Variants in CCL4L2 observed in about 807,000 individuals in gnomAD.
CCL4L2 encodes C-C motif chemokine ligand 4 like 2.
A neutral mutation model predicts 5.9 loss-of-function variants in CCL4L2; 3 were observed. The observed-to-expected ratio is 0.51, with a 90% CI of 0.23 to 1.32. CCL4L2 has a LOEUF of 1.32. CCL4L2 is among the 40% of genes most tolerant of loss of function. CCL4L2 has a pLI of 0.18. For missense variants in CCL4L2, 74 were observed against 121.2 expected (o/e 0.61, Z 1.83); for synonymous variants, 36 against 47.6 (o/e 0.76, Z 1.00).
chr17:36,212,017 A>G (rs1391019595), intron 2 of CCL4L2, 127 bp downstream of exon 2: 1 of 1,134,200 alleles, frequency 8.8e-7, no homozygotes, highest in African/African-American at 1.4e-5. Context: ...CTTCCCTGAC[A>G]GCAGTGAGGT....
At chr17:36,211,530 T>G (rs2068775744) in intron 1 of CCL4L2, 1 of 680,928 alleles carries the variant, frequency 1.5e-6, no homozygotes, top group African/African-American at 1.7e-5. Flanking sequence ...ATCTGTCATA[T>G]GAAGGGAGTG....
At position 36,212,670 on chromosome 17, in the gene CCL4L2, C is replaced by A; in HGVS notation, c.*247C>A. The A allele has an allele frequency of 7.7e-7, 1 of 1,298,334 alleles. No homozygotes were observed. The highest frequency in any genetic ancestry group is 1.2e-5 in the South Asian group (1 of 83,208). 80.4% of individuals were successfully genotyped at this position (1,298,334 alleles called of 1,614,324 possible). A position where few individuals can be genotyped will look rare whatever the true frequency, so the allele number is the denominator to read the frequency against. On this transcript the variant is annotated 3_prime_UTR_variant, in exon 3 of 3. Transcript: ENST00000617405. Reference sequence around the variant, plus strand: ...TACTCAGGACTCCTCTCCGCAGTTCCTGTCTCTTCTCTTAATGTAATCTCT... The same window carrying A: ...TACTCAGGACTCCTCTCCGCAGTTCATGTCTCTTCTCTTAATGTAATCTCT...
rs2068791307 is a variant in CCL4L2, at chr17:36,212,056, C to T, written c.191+166C>T. ...AGGTCATGAACTCACTTTTCAAGTG[C>T]TGAAGGCGGCTGAGTGGCAGCCGAG... On this transcript the variant is annotated intron_variant, in intron 2 of 2. Transcript: ENST00000617405. 15 of 900,906 alleles carry T rather than the reference C, an allele frequency of 1.7e-5. 1 individual carries two copies. Among genetic ancestry groups the T allele is most frequent in the Middle Eastern group, 4.8e-4 (2 of 4,206 alleles). The allele number at this position is 900,906 out of a possible 1,614,324, so 55.8% of individuals were successfully genotyped here.
At position 36,212,619 on chromosome 17, in the gene CCL4L2, C is replaced by T. The variant is rs1800518560; in HGVS notation, c.*196C>T. 6.4e-7 allele frequency: 1 copy of T among 1,562,700 alleles called. No homozygotes were observed. The highest frequency in any genetic ancestry group is 1.1e-5 in the South Asian group (1 of 88,782). Reference sequence around the variant, plus strand: ...AGGGAAGGTCACCTGAGCCTGGATGCTTCTCCATGAGCCGCATCTCCTCCA... The same window carrying T: ...AGGGAAGGTCACCTGAGCCTGGATGTTTCTCCATGAGCCGCATCTCCTCCA... On this transcript the variant is annotated 3_prime_UTR_variant, in exon 3 of 3. Transcript: ENST00000617405.
intron 1 of CCL4L2, 93 bp from the exon 2 acceptor site, chr17:36,211,683 T>C: frequency 7.1e-7 from 1 of 1,405,892 alleles, no homozygotes. Flanking sequence ...TTCTGGTAGC[T>C]CCACAGGGAT....
At chr17:36,212,189 C>T (rs537640020) in intron 2 of CCL4L2, 84 of 703,254 alleles carry the variant, frequency 1.2e-4, no homozygotes, top group African/African-American at 1.1e-3. Context: ...GCTAGAAAAA[C>T]ATGTGGAAAA....
In CCL4L2 at chr17:36,212,732, A is replaced by C; in HGVS notation, c.*309A>C. The C allele has an allele frequency of 3.2e-6, 3 of 924,860 alleles. No homozygotes were observed. The allele number at this position is 924,860 out of a possible 1,614,324, so 57.3% of individuals were successfully genotyped here. Reference sequence around the variant, plus strand: ...TATTATTGTATTAGGTGTTATTTCCATTATTTATATTAGTTTAGCCAAAGG... The same window carrying C: ...TATTATTGTATTAGGTGTTATTTCCCTTATTTATATTAGTTTAGCCAAAGG... On this transcript the variant is annotated 3_prime_UTR_variant, in exon 3 of 3. Transcript: ENST00000617405.
In CCL4L2 at chr17:36,212,535, T is replaced by G. The variant is rs2068807685; in HGVS notation, c.*112T>G. The G allele has an allele frequency of 6.3e-7, 1 of 1,581,210 alleles. No homozygotes were observed. The highest frequency in any genetic ancestry group is 8.6e-7 in the Non-Finnish European group (1 of 1,156,496). On this transcript the variant is annotated 3_prime_UTR_variant, in exon 3 of 3. Coordinates refer to ENST00000617405, the MANE Select transcript of CCL4L2 (RefSeq NM_001291475.2). Reference sequence around the variant, plus strand: ...TGCGCTGACCCCAGTGAGTCCTGGGTCCAGGAGTACGTGTATGACCTGGAA... The same window carrying G: ...TGCGCTGACCCCAGTGAGTCCTGGGGCCAGGAGTACGTGTATGACCTGGAA...
At chr17:36,211,694 G>A (rs2068779607) in intron 1 of CCL4L2, 82 bp from the exon 2 acceptor site, 2 of 1,455,538 alleles carry the variant, frequency 1.4e-6, no homozygotes, top group African/African-American at 1.3e-5. Context: ...CCACAGGGAT[G>A]CTCAATGAAG....
chr17:36,211,517 C>A (rs2068775311), intron 1 of CCL4L2: 1 of 682,196 alleles, frequency 1.5e-6, no homozygotes, highest in East Asian at 2.7e-5. Context: ...CCTTGGTTTC[C>A]CCATCTGTCA....
intron 2 of CCL4L2, chr17:36,212,231 T>A: frequency 1.4e-6 from 1 of 717,584 alleles, no homozygotes; most frequent in South Asian, 1.5e-5. Flanking sequence ...AATGGGGCAA[T>A]CTATTCATAC....
chr17:36,212,770 T>C lies in CCL4L2; in HGVS notation c.*347T>C, dbSNP rs2068815474. On this transcript the variant is annotated 3_prime_UTR_variant, in exon 3 of 3. Coordinates refer to ENST00000617405, the MANE Select transcript of CCL4L2 (RefSeq NM_001291475.2). ...GTTTAGCCAAAGGATAAGTGTCCCC[T>C]ATGGGGATGGTCCACTCTCACTCTT... 4 of 710,332 alleles carry C rather than the reference T, an allele frequency of 5.6e-6. 1 individual carries two copies. The highest frequency in any genetic ancestry group is 9.6e-6 in the Non-Finnish European group (4 of 415,492). The allele number at this position is 710,332 out of a possible 1,614,324, so 44.0% of individuals were successfully genotyped here.
chr17:36,212,093 T>G lies in CCL4L2; in HGVS notation c.191+203T>G. The G allele has an allele frequency of 1.2e-5, 9 of 751,524 alleles. 3 individuals carry two copies. Among genetic ancestry groups the G allele is most frequent in the South Asian group, 1.1e-4 (7 of 66,044 alleles). The allele number at this position is 751,524 out of a possible 1,614,324, so 46.6% of individuals were successfully genotyped here. On this transcript the variant is annotated intron_variant, in intron 2 of 2. Coordinates refer to ENST00000617405, the MANE Select transcript of CCL4L2 (RefSeq NM_001291475.2). Reference sequence around the variant, plus strand: ...GAGTGGCAGCCGAGACAGAAGGGGGTTCCTGGGGAGGAAGTTATTCAGAGG... The same window carrying G: ...GAGTGGCAGCCGAGACAGAAGGGGGGTCCTGGGGAGGAAGTTATTCAGAGG...
Position 36,212,484 on chromosome 17 carries a change from T to G in CCL4L2, c.*61T>G. On this transcript the variant is annotated 3_prime_UTR_variant, in exon 3 of 3. Transcript: ENST00000617405. ...TCTGTCTGCTCCTTGTTCTACGGAT[T>G]CCAAACCAAAAGAGGCAAGCAAGTC... is the stretch of plus-strand genomic sequence containing the variant. 6.3e-7 allele frequency: 1 copy of G among 1,581,252 alleles called. No homozygotes were observed. The highest frequency in any genetic ancestry group is 1.3e-5 in the African/African-American group (1 of 74,858).
In CCL4L2 at chr17:36,212,639, C is replaced by A; in HGVS notation, c.*216C>A. On this transcript the variant is annotated 3_prime_UTR_variant, in exon 3 of 3. Transcript: ENST00000617405. The stretch of plus-strand genomic sequence containing the variant: ...GGATGCTTCTCCATGAGCCGCATCT[C>A]CTCCATACTCAGGACTCCTCTCCGC... 6.6e-7 allele frequency: 1 copy of A among 1,503,784 alleles called. No individual in the cohort carries two copies. Among genetic ancestry groups the A allele is most frequent in the Non-Finnish European group, 9.2e-7 (1 of 1,084,604 alleles). 93.2% of individuals were successfully genotyped at this position (1,503,784 alleles called of 1,614,324 possible).
rs1448291044 is a variant in CCL4L2 at position 36,212,549 on chromosome 17, T to C, written c.*126T>C. 6.3e-7 allele frequency: 1 copy of C among 1,581,380 alleles called. No homozygotes were observed. The highest frequency in any genetic ancestry group is 8.6e-7 in the Non-Finnish European group (1 of 1,156,572). On this transcript the variant is annotated 3_prime_UTR_variant, in exon 3 of 3. Transcript: ENST00000617405. The stretch of plus-strand genomic sequence containing the variant: ...TGAGTCCTGGGTCCAGGAGTACGTG[T>C]ATGACCTGGAACTGAACTGAGCTGC...
intron 2 of CCL4L2, 122 bp downstream of exon 2, chr17:36,212,012 C>G: frequency 8.5e-7 from 1 of 1,176,482 alleles, no homozygotes; most frequent in African/African-American, 1.4e-5. Context: ...GAAGCCTTCC[C>G]TGACAGCAGT....
At position 36,212,540 on chromosome 17, in the gene CCL4L2, G is replaced by T; in HGVS notation, c.*117G>T. 4.4e-6 allele frequency: 7 copies of T among 1,581,500 alleles called. No individual in the cohort carries two copies. Among genetic ancestry groups the T allele is most frequent in the Middle Eastern group, 3.5e-4 (2 of 5,654 alleles). On this transcript the variant is annotated 3_prime_UTR_variant, in exon 3 of 3. Coordinates refer to ENST00000617405, the MANE Select transcript of CCL4L2 (RefSeq NM_001291475.2). Reference sequence around the variant, plus strand: ...TGACCCCAGTGAGTCCTGGGTCCAGGAGTACGTGTATGACCTGGAACTGAA... The same window carrying T: ...TGACCCCAGTGAGTCCTGGGTCCAGTAGTACGTGTATGACCTGGAACTGAA...
intron 2 of CCL4L2, 171 bp downstream of exon 2, chr17:36,212,061 G>A: frequency 1.1e-6 from 1 of 898,238 alleles, no homozygotes; most frequent in Non-Finnish European, 1.8e-6. Context: ...AAGTGCTGAA[G>A]GCGGCTGAGT....
Sources: gnomAD v4.1 joint callset for allele counts on GRCh38, gnomAD v4.1.1 for gene constraint, MANE v1.5 for transcripts, NCBI Gene and HGNC (gene_info 2026-07-23, HGNC 2026-07-21) for gene names.